The following LRRTM4 variants were observed in gnomAD, a reference collection of about 807,000 sequenced individuals.
LRRTM4 encodes the protein leucine-rich repeat transmembrane neuronal protein 4.
In LRRTM4, 25 loss-of-function variants were observed where a neutral mutation model predicts 47.6. The ratio of observed to expected loss-of-function variants is 0.53; its 90% confidence interval spans 0.38 to 0.73. The LOEUF is 0.73. Ranked by LOEUF, LRRTM4 falls within the 30% of genes least tolerant of loss-of-function variation. LRRTM4 has a pLI of 0.00. For missense variants in LRRTM4, 638 were observed against 713.4 expected, an observed-to-expected ratio of 0.89 and a Z score of 1.20; for synonymous variants, 311 against 269.5, an observed-to-expected ratio of 1.15 and a Z score of -1.51.
At chr2:77,284,563 A>G (rs1279693634) in intron 3 of LRRTM4, among the ~76,000 whole-genome samples, 1 of 152,122 alleles carries the variant, frequency 6.6e-6, no homozygotes, top group Non-Finnish European at 1.5e-5. Context: ...CATTAAATAC[A>G]TTCTTGACAA....
chr2:77,131,040 T>A (rs1428353662), intron 3 of LRRTM4, among the ~76,000 whole-genome samples: 1 of 148,390 alleles, frequency 6.7e-6, no homozygotes, highest in Non-Finnish European at 1.5e-5. Context: ...TTCACCGTTT[T>A]AGCCGGGATG....
At chr2:77,302,467 C>T (rs1677156455) in intron 3 of LRRTM4, among the ~76,000 whole-genome samples, 1 of 152,094 alleles carries the variant, frequency 6.6e-6, no homozygotes, top group African/African-American at 2.4e-5. Flanking sequence ...TTCAAGAGTT[C>T]CTCAAAGGCA....
intron 3 of LRRTM4, among the ~76,000 whole-genome samples, chr2:76,794,876 T>TCTGA (rs1214174354): frequency 6.9e-6 from 1 of 143,986 alleles, no homozygotes; most frequent in Non-Finnish European, 1.5e-5. Flanking sequence ...CCAACATTTT[T>TCTGA]CTGATTAAGA....
At position 76,925,811 on chromosome 2, in the gene LRRTM4, G is replaced by A. The variant is rs189340608; in HGVS notation, c.1552-176895C>T. ...AAAGTGGTTTTTTAGGAATACATAT[G>A]TCATAATATGTTAGAACTAGCTATA... On this transcript the variant is annotated intron_variant, in intron 3 of 3. Coordinates refer to ENST00000409884, the MANE Select transcript of LRRTM4 (RefSeq NM_001134745.3). 4.4e-3 allele frequency among the ~76,000 whole-genome samples: 675 copies of A among 152,202 alleles called. 21 individuals are homozygous for A. Among genetic ancestry groups the A allele is most frequent in the Admixed American group, 0.037 (570 of 15,280 alleles).
In LRRTM4 at chr2:76,899,025, T is replaced by C. The variant is rs531047480; in HGVS notation, c.1552-150109A>G. 3.3e-5 allele frequency among the ~76,000 whole-genome samples: 5 copies of C among 152,098 alleles called. No individual in the cohort carries two copies. In the South Asian group the frequency reaches 6.2e-4, roughly 19 times the overall value. ...ACAAATCAGTAGAGAAAGGAAGGTT[T>C]ATGAGCAAAGCGTGTTGTAAAATTG... is the stretch of plus-strand genomic sequence containing the variant. On this transcript the variant is annotated intron_variant, in intron 3 of 3. Coordinates refer to ENST00000409884, the MANE Select transcript of LRRTM4 (RefSeq NM_001134745.3).
intron 3 of LRRTM4, among the ~76,000 whole-genome samples, chr2:77,275,610 C>T (rs1676323213): frequency 1.3e-5 from 2 of 152,068 alleles, no homozygotes; most frequent in Non-Finnish European, 2.9e-5. Context: ...GTGTATCTTG[C>T]TTGGCTACCC....
At chr2:77,008,329 A>C (rs1254517111) in intron 3 of LRRTM4, among the ~76,000 whole-genome samples, 1 of 152,190 alleles carries the variant, frequency 6.6e-6, no homozygotes, top group Non-Finnish European at 1.5e-5. Flanking sequence ...TGATAATTGT[A>C]ATATGTATTT....
intron 3 of LRRTM4, among the ~76,000 whole-genome samples, chr2:77,288,944 C>G (rs1174185225): frequency 2.0e-5 from 3 of 152,034 alleles, no homozygotes. Flanking sequence ...AAAAATTCAT[C>G]AGTTAATGCA....
At chr2:77,243,526 C>T (rs78230930) in intron 3 of LRRTM4, among the ~76,000 whole-genome samples, 8,816 of 148,588 alleles carry the variant, frequency 0.059, 919 homozygotes, top group African/African-American at 0.2. Flanking sequence ...TGGTGGTTTC[C>T]GGCATCTGGG....
intron 3 of LRRTM4, among the ~76,000 whole-genome samples, chr2:77,280,482 T>G (rs1237732149): frequency 6.6e-6 from 1 of 152,190 alleles, no homozygotes; most frequent in Non-Finnish European, 1.5e-5. Flanking sequence ...TATCTTCTAT[T>G]ACTTCAGATA....
chr2:76,924,270 T>C (rs1442263527), intron 3 of LRRTM4, among the ~76,000 whole-genome samples: 2 of 152,146 alleles, frequency 1.3e-5, no homozygotes, highest in African/African-American at 4.8e-5. Flanking sequence ...ACTAAGGTAC[T>C]GAAATTGCAC....
At chr2:77,154,801 C>T (rs1672515646) in intron 3 of LRRTM4, among the ~76,000 whole-genome samples, 1 of 151,988 alleles carries the variant, frequency 6.6e-6, no homozygotes, top group Non-Finnish European at 1.5e-5. Flanking sequence ...CATGCATGGG[C>T]TTTATGAGTC....
intron 3 of LRRTM4, among the ~76,000 whole-genome samples, chr2:77,356,305 G>A (rs2104305591): frequency 6.6e-6 from 1 of 152,262 alleles, no homozygotes; most frequent in South Asian, 2.1e-4. Flanking sequence ...GATTCCAGAA[G>A]TAACCCAGGC....
At chr2:77,152,213 G>C (rs530059315) in intron 3 of LRRTM4, among the ~76,000 whole-genome samples, 1 of 152,304 alleles carries the variant, frequency 6.6e-6, no homozygotes, top group African/African-American at 2.4e-5. Context: ...TGTGGGGCCT[G>C]CCATTTGACC....
intron 3 of LRRTM4, among the ~76,000 whole-genome samples, chr2:76,750,076 C>T (rs1257194824): frequency 1.3e-5 from 2 of 152,338 alleles, no homozygotes; most frequent in African/African-American, 2.4e-5. Flanking sequence ...GATGGCAAGA[C>T]TTGGCAGGGA....
intron 3 of LRRTM4, among the ~76,000 whole-genome samples, chr2:76,774,751 C>A (rs1464163385): frequency 6.6e-6 from 1 of 152,100 alleles, no homozygotes; most frequent in Admixed American, 6.6e-5. Context: ...TTCTGTCTGA[C>A]ATTTTTGCTT....
rs1673108436 is a variant in LRRTM4, at chr2:77,382,690, T to C, written c.1551+135628A>G. Among the ~76,000 whole-genome samples the C allele has an allele frequency of 3.3e-5, 5 of 152,112 alleles. 1 individual carries two copies. The highest frequency in any genetic ancestry group is 4.1e-4 in the South Asian group (2 of 4,836). On this transcript the variant is annotated intron_variant, in intron 3 of 3. Coordinates refer to ENST00000409884, the MANE Select transcript of LRRTM4 (RefSeq NM_001134745.3). ...AAATGACCTTTTACCTAAAACTGTT[T>C]AGTGGGAAATCATGCCTCTGCTGAA...
chr2:77,449,522 A>G (rs1676176202), intron 3 of LRRTM4, among the ~76,000 whole-genome samples: 1 of 152,108 alleles, frequency 6.6e-6, no homozygotes, highest in Non-Finnish European at 1.5e-5. Context: ...AGCATTCCCA[A>G]AGTTATAGAA....
chr2:76,793,414 A>G (rs1165567304), intron 3 of LRRTM4, among the ~76,000 whole-genome samples: 2 of 152,192 alleles, frequency 1.3e-5, no homozygotes, highest in African/African-American at 2.4e-5. Context: ...GAAATCGTTT[A>G]TCAACTTCCA....
Sources: gnomAD v4.1 joint callset for allele counts (sites outside exome capture counted in the v4.1 genomes callset) on GRCh38, gnomAD v4.1.1 for gene constraint, MANE v1.5 for transcripts, NCBI Gene and HGNC (gene_info 2026-07-23, HGNC 2026-07-21) for gene names.